Variants in KCNU1 observed in about 807,000 individuals in gnomAD.
KCNU1 encodes the protein potassium calcium-activated channel subfamily U member 1.
A neutral mutation model predicts 126.8 loss-of-function variants in KCNU1; 93 were observed. That is an observed-to-expected ratio of 0.73 (90% CI 0.62 to 0.87). The LOEUF (loss-of-function observed/expected upper bound fraction) is 0.87, where lower values mean the gene tolerates loss of function less well. Ranked by LOEUF, KCNU1 falls within the 40% of genes least tolerant of loss-of-function variation. The pLI, the probability that KCNU1 is intolerant of heterozygous loss-of-function variation, is 0.00. For missense variants in KCNU1, 1,330 were observed against 1,367.1 expected (o/e 0.97, Z 0.43); for synonymous variants, 523 against 494.2 (o/e 1.06, Z -0.77).
intron 22 of KCNU1, among the ~76,000 whole-genome samples, chr8:36,915,509 G>A (rs987237821): frequency 3.9e-5 from 6 of 152,184 alleles, no homozygotes; most frequent in Non-Finnish European, 8.8e-5. Flanking sequence ...ACAGCAGCCA[G>A]AGCTCTTTTA....
intron 17 of KCNU1, 58 bp downstream of exon 17, chr8:36,845,727 C>T: frequency 7.0e-7 from 1 of 1,423,890 alleles, no homozygotes; most frequent in Non-Finnish European, 9.9e-7. Flanking sequence ...TAATGGGAGG[C>T]CCACTGAGTC....
rs796578187 is a variant in KCNU1, at chr8:36,930,924, T to C, written c.2737-27T>C. 1.1e-5 allele frequency: 17 copies of C among 1,557,498 alleles called. No individual in the cohort carries two copies. In the South Asian group the frequency reaches 1.4e-4, roughly 13 times the overall value. On this transcript the variant is annotated intron_variant, in intron 24 of 26. Coordinates refer to ENST00000399881, the MANE Select transcript of KCNU1 (RefSeq NM_001031836.3). ...GTTCACATATTGGCTCTTCTGACTT[T>C]GCATGTGGCTTGTCCTTGTTTTCCA...
chr8:36,908,617 A>T (rs1807732573), intron 20 of KCNU1, among the ~76,000 whole-genome samples: 1 of 150,048 alleles, frequency 6.7e-6, no homozygotes, highest in Non-Finnish European at 1.5e-5. Context: ...TCTCACTCAT[A>T]GGTGGGAACT....
intron 19 of KCNU1, among the ~76,000 whole-genome samples, chr8:36,887,448 T>TA (rs1806753692): frequency 6.7e-6 from 1 of 150,338 alleles, no homozygotes; most frequent in Admixed American, 6.7e-5. Context: ...ATTTGTTTTT[T>TA]TTTGTTTTTT....
At chr8:36,819,885 G>T (rs1359134758) in intron 10 of KCNU1, among the ~76,000 whole-genome samples, 1 of 152,028 alleles carries the variant, frequency 6.6e-6, no homozygotes, top group East Asian at 1.9e-4. Flanking sequence ...TTGAATCTGG[G>T]CTGACCTGTG....
At chr8:36,815,753 A>G (rs1803886845) in intron 9 of KCNU1, 66 bp downstream of exon 9, 2 of 918,348 alleles carry the variant, frequency 2.2e-6, no homozygotes, top group Non-Finnish European at 3.4e-6. Flanking sequence ...ATCTCGTTCT[A>G]GACATCTATT....
At chr8:36,934,049 A>G (rs983117309) in intron 26 of KCNU1, among the ~76,000 whole-genome samples, 1 of 152,148 alleles carries the variant, frequency 6.6e-6, no homozygotes, top group Non-Finnish European at 1.5e-5. Context: ...AATGCATTGA[A>G]TAGTAGATGT....
intron 18 of KCNU1, among the ~76,000 whole-genome samples, chr8:36,862,112 G>A (rs1177923668): frequency 6.6e-6 from 1 of 152,094 alleles, no homozygotes; most frequent in East Asian, 1.9e-4. Flanking sequence ...TAGCTAAAGT[G>A]TTAGGAAAAA....
chr8:36,832,874 C>G (rs1804605675), intron 10 of KCNU1, among the ~76,000 whole-genome samples: 1 of 152,046 alleles, frequency 6.6e-6, no homozygotes, highest in Non-Finnish European at 1.5e-5. Context: ...CAACATATTT[C>G]TAAGAATAAT....
intron 12 of KCNU1, among the ~76,000 whole-genome samples, chr8:36,835,801 A>G (rs780237925): frequency 1.3e-5 from 2 of 152,250 alleles, no homozygotes; most frequent in Non-Finnish European, 2.9e-5. Context: ...AAATAAACAC[A>G]GATAGCTGAA....
chr8:36,929,322 T>C (rs1303281464), intron 24 of KCNU1, among the ~76,000 whole-genome samples: 1 of 147,876 alleles, frequency 6.8e-6, no homozygotes, highest in East Asian at 2.0e-4. Flanking sequence ...AGGCAGAGGT[T>C]GCAGTGAGCC....
intron 10 of KCNU1, among the ~76,000 whole-genome samples, chr8:36,824,882 C>A (rs1416225055): frequency 1.3e-5 from 2 of 152,106 alleles, no homozygotes; most frequent in African/African-American, 4.8e-5. Context: ...TGTCTTAATT[C>A]ATTCAGCCAT....
chr8:36,892,429 C>G (rs951623188), intron 19 of KCNU1, among the ~76,000 whole-genome samples: 1 of 151,866 alleles, frequency 6.6e-6, no homozygotes, highest in Admixed American at 6.6e-5. Context: ...TATAATGGCT[C>G]TTATAAAATC....
chr8:36,873,369 G>A (rs1363061499), intron 19 of KCNU1, among the ~76,000 whole-genome samples: 1 of 151,848 alleles, frequency 6.6e-6, no homozygotes, highest in Non-Finnish European at 1.5e-5. Flanking sequence ...GATAGTGAAA[G>A]TCAAAGACAC....
chr8:36,862,460 A>G (rs998493829), intron 18 of KCNU1, among the ~76,000 whole-genome samples: 10 of 152,160 alleles, frequency 6.6e-5, no homozygotes, highest in Admixed American at 5.2e-4. Context: ...TTAGACCTGG[A>G]AGGAATCAGA....
chr8:36,885,932 C>T (rs984729439), intron 19 of KCNU1, among the ~76,000 whole-genome samples: 2 of 152,194 alleles, frequency 1.3e-5, no homozygotes, highest in Admixed American at 1.3e-4. Context: ...CCTGTATCAC[C>T]TGAAGAAGAA....
chr8:36,806,583 G>A (rs918235838), intron 5 of KCNU1, among the ~76,000 whole-genome samples: 3 of 152,178 alleles, frequency 2.0e-5, no homozygotes, highest in Admixed American at 2.0e-4. Flanking sequence ...CACAGTAGGT[G>A]TTCAATAGTT....
At chr8:36,871,432 A>G (rs904929866) in intron 19 of KCNU1, among the ~76,000 whole-genome samples, 2 of 151,834 alleles carry the variant, frequency 1.3e-5, no homozygotes, top group African/African-American at 4.8e-5. Flanking sequence ...GAGAGCGAGC[A>G]ATAATTCATC....
chr8:36,860,837 A>G (rs1306513280), intron 18 of KCNU1, among the ~76,000 whole-genome samples: 3 of 152,146 alleles, frequency 2.0e-5, no homozygotes, highest in African/African-American at 4.8e-5. Flanking sequence ...AAATGACAAG[A>G]AATGAGTTGA....
Sources: gnomAD v4.1 joint callset for allele counts (sites outside exome capture counted in the v4.1 genomes callset) on GRCh38, gnomAD v4.1.1 for gene constraint, MANE v1.5 for transcripts, NCBI Gene and HGNC (gene_info 2026-07-23, HGNC 2026-07-21) for gene names.